The following DTNBP1 variants were observed in gnomAD, a reference collection of about 807,000 sequenced individuals.
The protein encoded by DTNBP1 is dysbindin.
DTNBP1 carries 35 observed loss-of-function variants against 42.8 expected under a neutral mutation model. The observed-to-expected ratio is 0.82, with a 90% CI of 0.63 to 1.09. The LOEUF is 1.09. Among genes scored for constraint, DTNBP1 ranks in the 50% least tolerant of loss-of-function variants. DTNBP1 has a pLI of 0.00. For synonymous variants in DTNBP1, 171 were observed against 162.2 expected (o/e 1.05, Z -0.41); for missense variants, 457 against 424.2 (o/e 1.08, Z -0.68).
chr6:15,539,923 C>A (rs1773462213), intron 7 of DTNBP1, among the ~76,000 whole-genome samples: 1 of 152,208 alleles, frequency 6.6e-6, no homozygotes, highest in African/African-American at 2.4e-5. Flanking sequence ...GCGGTAAAAA[C>A]ACCTATTTCG....
Position 15,523,038 on chromosome 6 carries a change from G to A in DTNBP1, c.993C>T (p.Ala331=), listed in dbSNP as rs771126756. ...SDEEEVQVDT[A]LATSHTDREA... Reference sequence around the variant, plus strand: ...CTCTGTCAGTGTGTGATGTGGCCAGGGCAGTGTCCACCTGAACTTCCTCCT... The same window carrying A: ...CTCTGTCAGTGTGTGATGTGGCCAGAGCAGTGTCCACCTGAACTTCCTCCT... The change falls in exon 10 of 10, where the codon GCC becomes GCT. Residue 331 remains alanine, a synonymous_variant. Coordinates refer to ENST00000344537, the MANE Select transcript of DTNBP1 (RefSeq NM_032122.5). The A allele has an allele frequency of 1.9e-6, 3 of 1,614,202 alleles. No individual in the cohort carries two copies. The highest frequency in any genetic ancestry group is 2.5e-6 in the Non-Finnish European group (3 of 1,180,044).
intron 1 of DTNBP1, among the ~76,000 whole-genome samples, chr6:15,656,507 G>A (rs1203385134): frequency 6.6e-6 from 1 of 152,102 alleles, no homozygotes; most frequent in Non-Finnish European, 1.5e-5. Context: ...AAAAAGGGGG[G>A]TGACTCACAA....
chr6:15,618,376 G>C (rs1210379324), intron 5 of DTNBP1, among the ~76,000 whole-genome samples: 3 of 152,134 alleles, frequency 2.0e-5, no homozygotes, highest in South Asian at 2.1e-4. Context: ...ACTCCAAAAA[G>C]GGGGGAAGCG....
chr6:15,540,314 TTAAG>T (rs1773483475), intron 7 of DTNBP1, among the ~76,000 whole-genome samples: 1 of 152,206 alleles, frequency 6.6e-6, no homozygotes, highest in Non-Finnish European at 1.5e-5. Flanking sequence ...CTAAAATACA[TTAAG>T]TATGCTTCAA....
At chr6:15,649,705 T>C (rs1760874966) in intron 3 of DTNBP1, among the ~76,000 whole-genome samples, 1 of 152,234 alleles carries the variant, frequency 6.6e-6, no homozygotes, top group Admixed American at 6.5e-5. Flanking sequence ...TTTAAAATGG[T>C]CTTTCTCACA....
At chr6:15,662,618 C>A (rs1169632644) in intron 1 of DTNBP1, among the ~76,000 whole-genome samples, 196 bp downstream of exon 1, 1 of 152,064 alleles carries the variant, frequency 6.6e-6, no homozygotes, top group African/African-American at 2.4e-5. Context: ...AGGCGGCCCG[C>A]AGGGACCTAA....
chr6:15,618,893 C>T (rs1048215847), intron 5 of DTNBP1, among the ~76,000 whole-genome samples: 1 of 152,152 alleles, frequency 6.6e-6, no homozygotes, highest in African/African-American at 2.4e-5. Context: ...TACTATTCAG[C>T]TGTAAAAAAG....
At chr6:15,634,918 G>A (rs1161845596) in intron 4 of DTNBP1, among the ~76,000 whole-genome samples, 1 of 152,126 alleles carries the variant, frequency 6.6e-6, no homozygotes, top group East Asian at 1.9e-4. Flanking sequence ...CTTCTAAAAT[G>A]AGTTTCCTTT....
At chr6:15,528,972 G>A (rs1223058115) in intron 8 of DTNBP1, among the ~76,000 whole-genome samples, 3 of 152,182 alleles carry the variant, frequency 2.0e-5, no homozygotes, top group Non-Finnish European at 2.9e-5. Context: ...TTACGTATAT[G>A]TACAGAGAGA....
chr6:15,577,149 C>G (rs1244994570), intron 7 of DTNBP1, among the ~76,000 whole-genome samples: 1 of 152,218 alleles, frequency 6.6e-6, no homozygotes, highest in Non-Finnish European at 1.5e-5. Context: ...GTGGGAAAAG[C>G]TGGAGGCCTG....
intron 1 of DTNBP1, among the ~76,000 whole-genome samples, chr6:15,653,385 C>T (rs142265568): frequency 7.2e-5 from 11 of 152,260 alleles, no homozygotes; most frequent in Non-Finnish European, 1.5e-4. Context: ...TCTACCTTTC[C>T]TAAATTTTCT....
rs556813776 is a variant in DTNBP1 at position 15,533,351 on chromosome 6, G to C, written c.556C>G (p.His186Asp). Residue 186 changes from histidine (H) to aspartate (D), a missense_variant, in exon 8 of 10, where the codon CAC becomes GAC. Coordinates refer to ENST00000344537, the MANE Select transcript of DTNBP1 (RefSeq NM_032122.5). ...EHAQKVLEME[H>D]TQQMKLKERQ... ...TCCTTCAGCTTCATTTGCTGGGTGT[G>C]CTCCATTTCCAGGACCTTCTGGGCG... is the stretch of plus-strand genomic sequence containing the variant. The C allele has an allele frequency of 6.2e-7, 1 of 1,614,222 alleles. No homozygotes were observed. Among genetic ancestry groups the C allele is most frequent in the Admixed American group, 1.7e-5 (1 of 60,032 alleles).
At chr6:15,523,457 C>T (rs1706036709) in intron 9 of DTNBP1, 2 of 1,300,184 alleles carry the variant, frequency 1.5e-6, no homozygotes, top group Non-Finnish European at 2.0e-6. Flanking sequence ...ACATGTGACA[C>T]AGATCAAGTG....
At chr6:15,526,601 C>T (rs534257635) in intron 8 of DTNBP1, among the ~76,000 whole-genome samples, 56 of 152,280 alleles carry the variant, frequency 3.7e-4, no homozygotes, top group African/African-American at 1.3e-3. Context: ...GGGGTTGAGC[C>T]CAGCCGCACA....
intron 6 of DTNBP1, among the ~76,000 whole-genome samples, chr6:15,594,244 C>A (rs1307313521): frequency 6.6e-6 from 1 of 152,048 alleles, no homozygotes; most frequent in East Asian, 1.9e-4. Flanking sequence ...AGGTGGATCA[C>A]CTGAGGTCAG....
chr6:15,532,697 C>CTTTTTTTTTTTT (rs373480713), intron 8 of DTNBP1, among the ~76,000 whole-genome samples: 8 of 93,110 alleles, frequency 8.6e-5, no homozygotes, highest in African/African-American at 2.2e-4. Flanking sequence ...TGTTTGTAAT[C>CTTTTTTTTTTTT]TTTTTTTTTT....
intron 1 of DTNBP1, among the ~76,000 whole-genome samples, chr6:15,653,348 A>AG (rs1274636738): frequency 6.6e-6 from 1 of 152,160 alleles, no homozygotes; most frequent in Non-Finnish European, 1.5e-5. Flanking sequence ...AATCTATGGT[A>AG]GTTTTGTGTT....
chr6:15,651,996 G>A, intron 2 of DTNBP1, 91 bp downstream of exon 2: 1 of 1,133,442 alleles, frequency 8.8e-7, no homozygotes, highest in Non-Finnish European at 1.3e-6. Context: ...ACAAATCTAA[G>A]GTTCATTAAT....
chr6:15,582,445 C>A (rs1291888049), intron 7 of DTNBP1, among the ~76,000 whole-genome samples: 4 of 152,172 alleles, frequency 2.6e-5, no homozygotes, highest in Non-Finnish European at 5.9e-5. Flanking sequence ...AGAGCTAACA[C>A]ATGTACATGC....
Sources: gnomAD v4.1 joint callset for allele counts (sites outside exome capture counted in the v4.1 genomes callset) on GRCh38, gnomAD v4.1.1 for gene constraint, MANE v1.5 for transcripts, NCBI Gene and HGNC (gene_info 2026-07-23, HGNC 2026-07-21) for gene names.